SNX13: variants seen among roughly 807,000 people sequenced by gnomAD.
SNX13 encodes the protein sorting nexin 13.
A neutral mutation model predicts 133.6 loss-of-function variants in SNX13; 45 were observed. That is an observed-to-expected ratio of 0.34 (90% CI 0.27 to 0.43). The LOEUF (loss-of-function observed/expected upper bound fraction) is 0.43. Ranked by LOEUF, SNX13 falls within the 20% of genes least tolerant of loss-of-function variation. The pLI is 1.00. For synonymous variants in SNX13, 414 were observed against 373.9 expected, an observed-to-expected ratio of 1.11 and a Z score of -1.24; for missense variants, 1,032 against 1,145.1, an observed-to-expected ratio of 0.90 and a Z score of 1.43.
Position 17,839,808 on chromosome 7 carries a change from T to C in SNX13, c.1358A>G (p.Lys453Arg). The C allele has an allele frequency of 6.3e-7, 1 of 1,596,678 alleles. No individual in the cohort carries two copies. Among genetic ancestry groups the C allele is most frequent in the Non-Finnish European group, 8.5e-7 (1 of 1,172,208 alleles). Residue 453 changes from lysine (K) to arginine (R), a missense_variant and splice_region_variant, in exon 13 of 26, where the codon AAG becomes AGG. Physicochemically the swap from Lys to Arg is conservative, Grantham distance 26. Transcript: ENST00000428135. ...VGIYEQYLSE[K>R]ASPRVTVDDY... is the part of the protein sequence containing the mutation. The stretch of plus-strand genomic sequence containing the variant: ...ACAGTAATCAAAATACAGCCTCACC[T>C]TTTCTGATAAATACTGTTCATAAAT...
intron 9 of SNX13, among the ~76,000 whole-genome samples, chr7:17,857,329 A>C (rs973856998): frequency 3.9e-5 from 6 of 152,196 alleles, no homozygotes; most frequent in African/African-American, 1.4e-4. Context: ...ACTAATATTG[A>C]TTCTATTCAA....
intron 1 of SNX13, among the ~76,000 whole-genome samples, chr7:17,906,714 T>A (rs974115917): frequency 4.6e-5 from 7 of 152,186 alleles, no homozygotes; most frequent in Non-Finnish European, 1.0e-4. Flanking sequence ...GGAATTTACT[T>A]CCAGAGAAAT....
Position 17,799,646 on chromosome 7 carries a change from T to C in SNX13, c.2299-492A>G, listed in dbSNP as rs548659458. Among the ~76,000 whole-genome samples the C allele has an allele frequency of 4.6e-5, 7 of 151,940 alleles. No individual in the cohort carries two copies. The East Asian group carries it at 1.3e-3, about 29-fold the overall frequency. ...TTATGTACTTTCAGGAAAAAGATGC[T>C]GAAGTTCAATCCATCACACAACTAA... On this transcript the variant is annotated intron_variant, in intron 22 of 25. Coordinates refer to ENST00000428135, the MANE Select transcript of SNX13 (RefSeq NM_015132.5).
rs1783702412 is a variant in SNX13 at position 17,793,000 on chromosome 7, T to C, written c.*1045A>G. ...AAATATTATAGTTCTTTTTTCATCATTTATTTTCATATATGTACACTGTCA... is the reference window on the plus strand; with the variant it reads ...AAATATTATAGTTCTTTTTTCATCACTTATTTTCATATATGTACACTGTCA... On this transcript the variant is annotated 3_prime_UTR_variant, in exon 26 of 26. Coordinates refer to ENST00000428135, the MANE Select transcript of SNX13 (RefSeq NM_015132.5). 6.6e-6 allele frequency: 1 copy of C among 152,332 alleles called. No individual in the cohort carries two copies. The highest frequency in any genetic ancestry group is 6.6e-5 in the Admixed American group (1 of 15,210). The allele number at this position is 152,332 out of a possible 1,614,324, so 9.4% of individuals were successfully genotyped here. A position where few individuals can be genotyped will look rare whatever the true frequency, so the allele number is the denominator to read the frequency against.
At chr7:17,827,680 C>T (rs974799751) in intron 16 of SNX13, among the ~76,000 whole-genome samples, 1 of 151,890 alleles carries the variant, frequency 6.6e-6, no homozygotes, top group African/African-American at 2.4e-5. Context: ...ATATCAACTA[C>T]TTTCTCGGAT....
chr7:17,840,537 A>G (rs766436130), intron 12 of SNX13, among the ~76,000 whole-genome samples: 1 of 152,058 alleles, frequency 6.6e-6, no homozygotes, highest in African/African-American at 2.4e-5. Context: ...CAGGTTATAT[A>G]CATTGTATGT....
At chr7:17,926,216 GGTGCTA>G (rs1294628465) in intron 1 of SNX13, among the ~76,000 whole-genome samples, 10 of 152,050 alleles carry the variant, frequency 6.6e-5, no homozygotes, top group Non-Finnish European at 1.2e-4. Context: ...CTGTATAACG[GGTGCTA>G]GTGACAGTAT....
chr7:17,863,565 C>A lies in SNX13; in HGVS notation c.837+4842G>T, dbSNP rs779871230. On this transcript the variant is annotated intron_variant, in intron 9 of 25. Coordinates refer to ENST00000428135, the MANE Select transcript of SNX13 (RefSeq NM_015132.5). ...TCCTGGACAGCATTTCTAGACCCAC[C>A]CTTGGCCAGAAGGGAAGCTGTTGCC... is the stretch of plus-strand genomic sequence containing the variant. 2.0e-5 allele frequency among the ~76,000 whole-genome samples: 3 copies of A among 152,202 alleles called. No individual in the cohort carries two copies. In the South Asian group the frequency reaches 6.2e-4, roughly 32 times the overall value.
intron 16 of SNX13, among the ~76,000 whole-genome samples, chr7:17,829,073 T>G (rs1416883823): frequency 6.6e-6 from 1 of 151,602 alleles, no homozygotes; most frequent in Non-Finnish European, 1.5e-5. Flanking sequence ...AGATTTGCTT[T>G]AGTGTTTTAC....
intron 12 of SNX13, 90 bp downstream of exon 12, chr7:17,845,505 T>G: frequency 1.7e-5 from 13 of 771,198 alleles, no homozygotes; most frequent in Non-Finnish European, 2.3e-5. Flanking sequence ...TAAAAATAGT[T>G]GAGATACTAA....
chr7:17,839,105 T>C (rs1237480569), intron 13 of SNX13, among the ~76,000 whole-genome samples: 3 of 149,760 alleles, frequency 2.0e-5, no homozygotes, highest in Admixed American at 6.7e-5. Context: ...TTCTATTCTA[T>C]ATATGTATTC....
chr7:17,850,277 T>C (rs1169323515), intron 11 of SNX13, 70 bp downstream of exon 11: 2 of 981,576 alleles, frequency 2.0e-6, no homozygotes, highest in Non-Finnish European at 2.8e-6. Context: ...TTTTGTCCTT[T>C]ACTGTGCATT....
At chr7:17,816,098 G>C in intron 19 of SNX13, 84 bp downstream of exon 19, 1 of 1,380,332 alleles carries the variant, frequency 7.2e-7, no homozygotes, top group African/African-American at 1.5e-5. Context: ...AAAACATTCT[G>C]TGTGCTATAT....
intron 1 of SNX13, among the ~76,000 whole-genome samples, chr7:17,939,792 A>G (rs1384084623): frequency 6.6e-6 from 1 of 152,184 alleles, no homozygotes; most frequent in African/African-American, 2.4e-5. Context: ...CACTTCATGA[A>G]GCAGTCAAAG....
chr7:17,896,102 G>C (rs10499508), intron 2 of SNX13, among the ~76,000 whole-genome samples: 18,367 of 152,170 alleles, frequency 0.12, 1,278 homozygotes, highest in African/African-American at 0.17. Flanking sequence ...CCTTAACTGT[G>C]ACTGAGAAGT....
chr7:17,852,149 G>A (rs1323355959), intron 9 of SNX13, among the ~76,000 whole-genome samples: 3 of 152,320 alleles, frequency 2.0e-5, no homozygotes, highest in South Asian at 2.1e-4. Context: ...CAAGGCGGGC[G>A]GATCACCTGA....
At chr7:17,823,929 A>G (rs1787586159) in intron 17 of SNX13, among the ~76,000 whole-genome samples, 1 of 152,148 alleles carries the variant, frequency 6.6e-6, no homozygotes, top group Non-Finnish European at 1.5e-5. Context: ...AGAAAGAATA[A>G]TCAGGATTTG....
intron 1 of SNX13, among the ~76,000 whole-genome samples, chr7:17,919,887 T>C (rs1047054219): frequency 6.6e-5 from 10 of 152,138 alleles, no homozygotes; most frequent in Admixed American, 2.6e-4. Flanking sequence ...TCCCAGGACT[T>C]TGGGAGGCCA....
chr7:17,848,257 C>T (rs1336669917), intron 11 of SNX13, among the ~76,000 whole-genome samples: 1 of 152,168 alleles, frequency 6.6e-6, no homozygotes, highest in Non-Finnish European at 1.5e-5. Context: ...CTACCCGCCC[C>T]ATTCCCCTTT....
Sources: allele counts gnomAD v4.1 joint callset (sites outside exome capture counted in the v4.1 genomes callset), GRCh38; gene constraint gnomAD v4.1.1; transcripts MANE v1.5; gene names NCBI Gene and HGNC (gene_info 2026-07-23, HGNC 2026-07-21).